The following INPP5A variants were observed in gnomAD, a reference collection of about 807,000 sequenced individuals.
INPP5A encodes inositol polyphosphate-5-phosphatase A.
Under a neutral mutation model 65.2 loss-of-function variants are expected in INPP5A, and 14 were observed. The ratio of observed to expected loss-of-function variants is 0.21; its 90% CI spans 0.14 to 0.34. INPP5A has a LOEUF of 0.34. Ranked by LOEUF, INPP5A falls within the 10% of genes least tolerant of loss-of-function variation. The pLI, the probability that INPP5A is intolerant of heterozygous loss-of-function variation, is 1.00. For missense variants in INPP5A, 431 were observed against 545.6 expected (o/e 0.79, Z 2.09); for synonymous variants, 207 against 208.3 (o/e 0.99, Z 0.05).
At chr10:132,756,228 T>G (rs548832614) in intron 11 of INPP5A, among the ~76,000 whole-genome samples, 1 of 152,026 alleles carries the variant, frequency 6.6e-6, no homozygotes, top group South Asian at 2.1e-4. Flanking sequence ...CTTTGTGTGG[T>G]GTATGTATGC....
At chr10:132,738,897 C>T (rs986387873) in intron 9 of INPP5A, among the ~76,000 whole-genome samples, 9 of 152,144 alleles carry the variant, frequency 5.9e-5, no homozygotes, top group Non-Finnish European at 1.2e-4. Context: ...CCCTGGGGCT[C>T]GCGGTGAGGT....
At chr10:132,744,882 A>C (rs1846340681) in intron 9 of INPP5A, among the ~76,000 whole-genome samples, 1 of 152,206 alleles carries the variant, frequency 6.6e-6, no homozygotes, top group Admixed American at 6.5e-5. Context: ...CACTTTGTGC[A>C]GCCGCCATGT....
At chr10:132,590,045 C>T (rs933260780) in intron 1 of INPP5A, among the ~76,000 whole-genome samples, 7 of 152,238 alleles carry the variant, frequency 4.6e-5, no homozygotes, top group South Asian at 2.1e-4. Context: ...ATTGTCAACA[C>T]GGCTGGAAAA....
At chr10:132,724,144 A>C (rs533467777) in intron 8 of INPP5A, among the ~76,000 whole-genome samples, 35 of 152,340 alleles carry the variant, frequency 2.3e-4, no homozygotes, top group African/African-American at 7.7e-4. Context: ...AAGTTGTACT[A>C]ATTAAAAGCA....
intron 9 of INPP5A, among the ~76,000 whole-genome samples, chr10:132,748,844 G>A (rs543011276): frequency 1.3e-5 from 2 of 152,344 alleles, no homozygotes; most frequent in African/African-American, 4.8e-5. Flanking sequence ...CTGCAGCACT[G>A]CTGCCCCAGC....
At chr10:132,750,401 G>A (rs752233509) in intron 11 of INPP5A, among the ~76,000 whole-genome samples, 10 of 152,234 alleles carry the variant, frequency 6.6e-5, no homozygotes, top group African/African-American at 1.2e-4. Context: ...GGGAATGTGC[G>A]GCTCAGGTCG....
intron 1 of INPP5A, among the ~76,000 whole-genome samples, chr10:132,596,935 G>GCATGTGTGCGCGTGCGCA (rs1554932705): frequency 7.7e-5 from 2 of 26,028 alleles, no homozygotes; most frequent in African/African-American, 2.0e-4. Flanking sequence ...GCATGTGCAC[G>GCATGTGTGCGCGTGCGCA]CATGTGTGCG....
Position 132,674,242 on chromosome 10 carries a change from A to G in INPP5A, c.307-16150A>G, listed in dbSNP as rs758118583. On this transcript the variant is annotated intron_variant, in intron 4 of 15. Transcript: ENST00000368594. This position sits in a 1 kb window ranked among gnomAD's most constrained non-coding sequence, Gnocchi z 4.4. ...CAATTTTCCAATCATGCTTCTTCCA[A>G]GTCCCTGACCATCCAGCCAAACCAT... Among the ~76,000 whole-genome samples the G allele has an allele frequency of 3.3e-5, 5 of 152,212 alleles. No homozygotes were observed. The highest frequency in any genetic ancestry group is 7.2e-5 in the African/African-American group (3 of 41,454).
intron 4 of INPP5A, among the ~76,000 whole-genome samples, chr10:132,667,691 T>A (rs80082996): frequency 1.6e-4 from 25 of 152,334 alleles, no homozygotes; most frequent in Admixed American, 1.1e-3. Context: ...TACACTGATA[T>A]AGTATTGATC....
chr10:132,706,284 C>T lies in INPP5A; in HGVS notation c.475-2029C>T, dbSNP rs1437283532. On this transcript the variant is annotated intron_variant, in intron 6 of 15. Coordinates refer to ENST00000368594, the MANE Select transcript of INPP5A (RefSeq NM_005539.5). This position sits in a 1 kb window ranked among gnomAD's most constrained non-coding sequence, Gnocchi z 4.7. ...AAGACATAAAGACTATTAAGAGGCT[C>T]AAATAAACTCAAAATAAATTCCAGA... Among the ~76,000 whole-genome samples, 1 of 152,082 alleles carries T rather than the reference C, an allele frequency of 6.6e-6. No individual in the cohort carries two copies. The highest frequency in any genetic ancestry group is 2.4e-5 in the African/African-American group (1 of 41,402).
intron 1 of INPP5A, among the ~76,000 whole-genome samples, chr10:132,581,216 A>T (rs1302207182): frequency 6.6e-6 from 1 of 152,198 alleles, no homozygotes; most frequent in Admixed American, 6.5e-5. Context: ...ATGGCTGAAT[A>T]GTAGTCCTTT....
At chr10:132,750,519 G>A (rs146801402) in intron 11 of INPP5A, among the ~76,000 whole-genome samples, 302 of 152,336 alleles carry the variant, frequency 2.0e-3, no homozygotes, top group African/African-American at 6.8e-3. Context: ...GTAGGCGAGC[G>A]CTGAGGGGCG....
intron 12 of INPP5A, among the ~76,000 whole-genome samples, chr10:132,767,042 T>C (rs1274142698): frequency 8.6e-5 from 7 of 80,958 alleles, no homozygotes; most frequent in Admixed American, 4.6e-4. Flanking sequence ...GATGCGGCCT[T>C]GGAGCTTGGG....
At position 132,704,443 on chromosome 10, in the gene INPP5A, C is replaced by T. The variant is rs1845499306; in HGVS notation, c.475-3870C>T. ...GCCTCAGTTTCCCTTTCTGGTCGGCCCGAGGGTTGGGTGTGTGCCTGTGTG... is the reference window on the plus strand; with the variant it reads ...GCCTCAGTTTCCCTTTCTGGTCGGCTCGAGGGTTGGGTGTGTGCCTGTGTG... On this transcript the variant is annotated intron_variant, in intron 6 of 15. Coordinates refer to ENST00000368594, the MANE Select transcript of INPP5A (RefSeq NM_005539.5). This position sits in a 1 kb window ranked among gnomAD's most constrained non-coding sequence, Gnocchi z 4.5. 1.3e-5 allele frequency among the ~76,000 whole-genome samples: 2 copies of T among 152,228 alleles called. No individual in the cohort carries two copies. The highest frequency in any genetic ancestry group is 1.3e-4 in the Admixed American group (2 of 15,286).
chr10:132,586,153 C>T (rs1590848055), intron 1 of INPP5A, among the ~76,000 whole-genome samples: 1 of 152,158 alleles, frequency 6.6e-6, no homozygotes, highest in Non-Finnish European at 1.5e-5. Flanking sequence ...TGGGGCTGGA[C>T]GCGCCCTGTG....
At chr10:132,687,362 C>T (rs1590925865) in intron 4 of INPP5A, among the ~76,000 whole-genome samples, 1 of 152,230 alleles carries the variant, frequency 6.6e-6, no homozygotes, top group African/African-American at 2.4e-5. Context: ...ATGTCACAGC[C>T]GAGTGCATCA....
intron 1 of INPP5A, among the ~76,000 whole-genome samples, chr10:132,582,943 A>G (rs147859920): frequency 2.0e-5 from 3 of 152,326 alleles, no homozygotes; most frequent in Non-Finnish European, 4.4e-5. Flanking sequence ...CATAGATGTT[A>G]GAGCATCTTG....
At chr10:132,630,653 A>G (rs950527957) in intron 2 of INPP5A, among the ~76,000 whole-genome samples, 2 of 144,024 alleles carry the variant, frequency 1.4e-5, no homozygotes, top group Admixed American at 1.4e-4. Flanking sequence ...GAAGACATCC[A>G]TGAGGGGAAG....
chr10:132,666,106 G>C (rs1430044458), intron 4 of INPP5A, among the ~76,000 whole-genome samples: 1 of 151,438 alleles, frequency 6.6e-6, no homozygotes, highest in Non-Finnish European at 1.5e-5. Context: ...TCCTTTACCA[G>C]GTTTGCCTTA....
Sources: allele counts gnomAD v4.1 joint callset (sites outside exome capture counted in the v4.1 genomes callset), GRCh38; gene constraint gnomAD v4.1.1; non-coding constraint Gnocchi (gnomAD v3.1); transcripts MANE v1.5; gene names NCBI Gene and HGNC (gene_info 2026-07-23, HGNC 2026-07-21).